NSDHL: variants seen among roughly 807,000 people sequenced by gnomAD.
NSDHL encodes the protein sterol-4-alpha-carboxylate 3-dehydrogenase, decarboxylating.
NSDHL carries 1 observed loss-of-function variant against 23.0 expected under a neutral mutation model. That is an observed-to-expected ratio of 0.04 (90% CI 0.02 to 0.21). The LOEUF (loss-of-function observed/expected upper bound fraction) is 0.21, where lower values mean the gene tolerates loss of function less well. Among genes scored for constraint, NSDHL ranks in the 10% least tolerant of loss-of-function variants. The pLI is 1.00. For missense variants in NSDHL, 237 were observed against 300.9 expected (o/e 0.79, Z 1.57); for synonymous variants, 128 against 121.1 (o/e 1.06, Z -0.37).
At chrX:152,860,401 T>C (rs1443727736) in intron 4 of NSDHL, among the ~76,000 whole-genome samples, 1 of 111,709 alleles carries the variant, frequency 9.0e-6, no homozygotes, top group Non-Finnish European at 1.9e-5. Context: ...CTTTGTTAAA[T>C]GGAAGGTTGG....
chrX:152,867,768 G>T, intron 7 of NSDHL, 95 bp downstream of exon 7: 1 of 635,506 alleles, frequency 1.6e-6, no homozygotes. Context: ...CTGTGATCCT[G>T]TATCATGGAG....
At chrX:152,853,369 G>A (rs1281903175) in intron 3 of NSDHL, among the ~76,000 whole-genome samples, 1 of 110,367 alleles carries the variant, frequency 9.1e-6, no homozygotes, top group Non-Finnish European at 1.9e-5. Context: ...ATCCCTGCCC[G>A]ATTCCTTTCT....
intron 1 of NSDHL, among the ~76,000 whole-genome samples, chrX:152,835,031 C>G (rs782458621): frequency 1.8e-5 from 2 of 112,039 alleles, no homozygotes; most frequent in Non-Finnish European, 3.8e-5. Flanking sequence ...ATCTCTCTCC[C>G]TAGTTTGAGA....
chrX:152,836,478 T>C lies in NSDHL; in HGVS notation c.-44+5361T>C, dbSNP rs782268737. 8.9e-5 allele frequency among the ~76,000 whole-genome samples: 10 copies of C among 111,913 alleles called. No individual in the cohort carries two copies. In the East Asian group the frequency reaches 2.8e-3, roughly 31 times the overall value. On this transcript the variant is annotated intron_variant, in intron 1 of 7. Coordinates refer to ENST00000370274, the MANE Select transcript of NSDHL (RefSeq NM_015922.3). ...TTAATCCATCTTGAATTAATTTTTG[T>C]ATAAGGTGTAAGGAAGGGATCCAGT...
At chrX:152,850,645 A>G (rs1933342302) in intron 3 of NSDHL, among the ~76,000 whole-genome samples, 1 of 112,696 alleles carries the variant, frequency 8.9e-6, no homozygotes, top group African/African-American at 3.2e-5. Context: ...AAAAGCAGCC[A>G]TGGTCAGCAC....
intron 3 of NSDHL, among the ~76,000 whole-genome samples, chrX:152,858,259 GCCATTT>G (rs1291765962): frequency 1.8e-5 from 2 of 111,839 alleles, no homozygotes; most frequent in African/African-American, 6.5e-5. Context: ...TCTGCAATCA[GCCATTT>G]CTCTCAGGAG....
intron 3 of NSDHL, among the ~76,000 whole-genome samples, chrX:152,851,289 C>G (rs782195072): frequency 1.8e-5 from 2 of 112,043 alleles, no homozygotes; most frequent in East Asian, 5.6e-4. Context: ...AGTCACATGT[C>G]CTCCCTGACC....
chrX:152,854,232 G>A (rs1464934604), intron 3 of NSDHL, among the ~76,000 whole-genome samples: 1 of 110,843 alleles, frequency 9.0e-6, no homozygotes, highest in African/African-American at 3.3e-5. Flanking sequence ...CCGCAAGCGT[G>A]GAGAAGGGGC....
chrX:152,832,707 C>T (rs782070563), intron 1 of NSDHL, among the ~76,000 whole-genome samples: 46 of 112,089 alleles, frequency 4.1e-4, no homozygotes, highest in African/African-American at 8.1e-4. Context: ...ACAAGTTCTG[C>T]GCAGGCTGTG....
At chrX:152,863,373 G>A (rs1933557314) in intron 5 of NSDHL, among the ~76,000 whole-genome samples, 1 of 111,388 alleles carries the variant, frequency 9.0e-6, no homozygotes, top group African/African-American at 3.3e-5. Context: ...CAGGCAGTCT[G>A]TCTACAGAGC....
At chrX:152,841,814 C>T (rs7884971) in intron 1 of NSDHL, among the ~76,000 whole-genome samples, 3,023 of 111,613 alleles carry the variant, frequency 0.027, 96 homozygotes, top group African/African-American at 0.093. Flanking sequence ...AGAAAATGTA[C>T]CATCTTCACC....
intron 3 of NSDHL, among the ~76,000 whole-genome samples, chrX:152,853,261 T>A (rs1422235706): frequency 9.2e-6 from 1 of 108,367 alleles, no homozygotes; most frequent in Non-Finnish European, 1.9e-5. Flanking sequence ...CGCAAGCCCC[T>A]CCCCCACCAC....
intron 1 of NSDHL, among the ~76,000 whole-genome samples, chrX:152,845,683 C>T (rs1556845444): frequency 9.0e-6 from 1 of 111,613 alleles, no homozygotes; most frequent in African/African-American, 3.3e-5. Context: ...AGTTCCTCCA[C>T]GCATCGTCAG....
Position 152,869,176 on chromosome X carries a change from G to A in NSDHL, c.*60G>A. 3.1e-6 allele frequency: 3 copies of A among 954,378 alleles called. No individual in the cohort carries two copies. The highest frequency in any genetic ancestry group is 4.5e-6 in the Non-Finnish European group (3 of 668,652). The allele number at this position is 954,378 out of a possible 1,213,427, so 78.7% of individuals were successfully genotyped here. On this transcript the variant is annotated 3_prime_UTR_variant, in exon 8 of 8. Coordinates refer to ENST00000370274, the MANE Select transcript of NSDHL (RefSeq NM_015922.3). ...CTCAGCCAGTCACTCCTTCCCCTGT[G>A]GATTGATGAAATAACATCCTTTGAA...
intron 1 of NSDHL, among the ~76,000 whole-genome samples, chrX:152,834,356 C>T (rs782038445): frequency 8.9e-6 from 1 of 112,724 alleles, no homozygotes; most frequent in Non-Finnish European, 1.9e-5. Flanking sequence ...TAAAAGCTGG[C>T]GACTTTTTTT....
intron 4 of NSDHL, among the ~76,000 whole-genome samples, chrX:152,861,352 G>A (rs1159151528): frequency 1.8e-5 from 2 of 112,838 alleles, no homozygotes; most frequent in Non-Finnish European, 3.7e-5. Flanking sequence ...TCTTACATGG[G>A]CCTGTTCCCA....
rs891285195 is a variant in NSDHL at position 152,868,207 on chromosome X, G to T, written c.789+534G>T. 1.5e-4 allele frequency among the ~76,000 whole-genome samples: 16 copies of T among 106,316 alleles called. No homozygotes were observed. The Admixed American group carries it at 1.6e-3, about 11-fold the overall frequency. 92.3% of individuals were successfully genotyped at this position (106,316 alleles called of 115,157 possible). On this transcript the variant is annotated intron_variant, in intron 7 of 7. Transcript: ENST00000370274. ...GGCTGGAGTGCAGTGGCGTGATCTCGGTTCACTGCAACCTCCGTCTCACTG... is the reference window on the plus strand; with the variant it reads ...GGCTGGAGTGCAGTGGCGTGATCTCTGTTCACTGCAACCTCCGTCTCACTG...
chrX:152,864,275 C>T (rs1445143140), intron 5 of NSDHL, among the ~76,000 whole-genome samples: 1 of 112,392 alleles, frequency 8.9e-6, no homozygotes, highest in Non-Finnish European at 1.9e-5. Context: ...CAAGGGCCAC[C>T]CAGACCAGGG....
chrX:152,868,528 A>G (rs1382827057), intron 7 of NSDHL, among the ~76,000 whole-genome samples: 3 of 112,564 alleles, frequency 2.7e-5, no homozygotes, highest in Non-Finnish European at 1.9e-5. Flanking sequence ...GAGTTTTATG[A>G]TGATTAACAA....
Sources: allele counts gnomAD v4.1 joint callset (sites outside exome capture counted in the v4.1 genomes callset), GRCh38; gene constraint gnomAD v4.1.1; transcripts MANE v1.5; gene names NCBI Gene and HGNC (gene_info 2026-07-23, HGNC 2026-07-21).